Variants in SNX4 observed in about 807,000 individuals in gnomAD.
SNX4 encodes the protein sorting nexin-4.
In SNX4, 49 loss-of-function variants were observed where a neutral mutation model predicts 70.8. That is an observed-to-expected ratio of 0.69 (90% confidence interval 0.55 to 0.88). The LOEUF is 0.88. SNX4 is among the 40% of genes least tolerant of loss of function. The probability of loss-of-function intolerance (pLI) is 0.00; values close to 1 mark genes in which losing one functional copy is unlikely to be tolerated. For synonymous variants in SNX4, 206 were observed against 183.8 expected (o/e 1.12, Z -0.98); for missense variants, 528 against 544.8 (o/e 0.97, Z 0.31).
At chr3:125,488,849 A>T (rs1934591936) in intron 6 of SNX4, among the ~76,000 whole-genome samples, 2 of 152,258 alleles carry the variant, frequency 1.3e-5, no homozygotes, top group Admixed American at 6.5e-5. Flanking sequence ...AGTTTGAATT[A>T]TCCACCAAAT....
chr3:125,495,273 T>TAC lies in SNX4; in HGVS notation c.597+2067_597+2068insGT, dbSNP rs1204182241. Among the ~76,000 whole-genome samples, 78 of 72,290 alleles carry TAC rather than the reference T, an allele frequency of 1.1e-3. 3 individuals carry two copies. The highest frequency in any genetic ancestry group is 2.9e-3 in the African/African-American group (69 of 23,544). The allele number at this position is 72,290 out of a possible 152,430, so 47.4% of individuals were successfully genotyped here. A position where few individuals can be genotyped will look rare whatever the true frequency, so the allele number is the denominator to read the frequency against. ...CTTTATATATATATATATATATATA[T>TAC]ATATACACATACACACACACACACG... On this transcript the variant is annotated intron_variant, in intron 5 of 13. Transcript: ENST00000251775.
At chr3:125,458,008 A>G (rs1933766931) in intron 10 of SNX4, among the ~76,000 whole-genome samples, 1 of 152,170 alleles carries the variant, frequency 6.6e-6, no homozygotes, top group South Asian at 2.1e-4. Context: ...TACATAATGT[A>G]TACATATGTA....
intron 1 of SNX4, among the ~76,000 whole-genome samples, chr3:125,515,324 T>A (rs1157905574): frequency 6.7e-6 from 1 of 150,302 alleles, no homozygotes; most frequent in East Asian, 2.0e-4. Flanking sequence ...AGCACTCCAA[T>A]CTGGGCGACA....
At chr3:125,449,779 G>A (rs1933527570) in intron 13 of SNX4, among the ~76,000 whole-genome samples, 1 of 152,148 alleles carries the variant, frequency 6.6e-6, no homozygotes, top group South Asian at 2.1e-4. Context: ...CAAAACGGAG[G>A]GGGAAAGTCC....
At chr3:125,466,141 T>C (rs200014982) in intron 9 of SNX4, among the ~76,000 whole-genome samples, 83 of 149,240 alleles carry the variant, frequency 5.6e-4, no homozygotes, top group Non-Finnish European at 8.4e-4. Context: ...TTATCATAAA[T>C]AGCATTATTT....
At chr3:125,487,653 T>C (rs910822464) in intron 6 of SNX4, among the ~76,000 whole-genome samples, 3 of 151,764 alleles carry the variant, frequency 2.0e-5, no homozygotes, top group African/African-American at 7.3e-5. Flanking sequence ...TTATATACCA[T>C]GCATGTTAGT....
intron 1 of SNX4, among the ~76,000 whole-genome samples, chr3:125,518,465 GA>G (rs11328044): frequency 0.038 from 5,771 of 150,448 alleles, 213 homozygotes; most frequent in East Asian, 0.11. Flanking sequence ...CTGTCTCAAA[GA>G]AAAAAAAAGC....
At chr3:125,481,689 T>C (rs1934416743) in intron 6 of SNX4, among the ~76,000 whole-genome samples, 1 of 152,140 alleles carries the variant, frequency 6.6e-6, no homozygotes, top group Non-Finnish European at 1.5e-5. Flanking sequence ...ATCGCCTGCC[T>C]TGGCCTCCCA....
chr3:125,504,864 A>G (rs1935013179), intron 1 of SNX4, 120 bp from the exon 2 acceptor site: 1 of 1,152,652 alleles, frequency 8.7e-7, no homozygotes. Flanking sequence ...ATAGTTACTT[A>G]TAGTTCTTGA....
intron 2 of SNX4, among the ~76,000 whole-genome samples, chr3:125,499,672 C>T (rs191999825): frequency 6.6e-6 from 1 of 151,728 alleles, no homozygotes; most frequent in Non-Finnish European, 1.5e-5. Context: ...AAAATCACTA[C>T]CAACAAAACC....
intron 1 of SNX4, among the ~76,000 whole-genome samples, chr3:125,510,849 C>T (rs914643583): frequency 3.9e-5 from 6 of 152,158 alleles, no homozygotes; most frequent in East Asian, 1.9e-4. Flanking sequence ...GTACAATGTA[C>T]GTGAATGTAC....
intron 2 of SNX4, among the ~76,000 whole-genome samples, chr3:125,501,606 C>T (rs1053165371): frequency 1.3e-5 from 2 of 148,194 alleles, no homozygotes; most frequent in Admixed American, 6.8e-5. Flanking sequence ...GGTGACAGAG[C>T]GAGACTCCAC....
chr3:125,455,326 T>G (rs2107841183), intron 11 of SNX4, among the ~76,000 whole-genome samples: 1 of 152,280 alleles, frequency 6.6e-6, no homozygotes, highest in African/African-American at 2.4e-5. Context: ...TTACTTTATG[T>G]TATAAAAAAA....
chr3:125,456,335 G>C (rs1933713885), intron 11 of SNX4, among the ~76,000 whole-genome samples: 1 of 152,146 alleles, frequency 6.6e-6, no homozygotes, highest in African/African-American at 2.4e-5. Flanking sequence ...ACCTGATAAA[G>C]GTCACTGCAT....
chr3:125,493,340 A>C (rs59373776), intron 5 of SNX4, among the ~76,000 whole-genome samples: 7,330 of 152,208 alleles, frequency 0.048, 417 homozygotes, highest in African/African-American at 0.13. Flanking sequence ...GCTTATGTTA[A>C]ATAGAACACA....
chr3:125,506,837 A>G (rs1236963537), intron 1 of SNX4, among the ~76,000 whole-genome samples: 1 of 137,440 alleles, frequency 7.3e-6, no homozygotes, highest in African/African-American at 3.1e-5. Context: ...AAAAAAAAAA[A>G]AAAAAAAAAA....
intron 7 of SNX4, among the ~76,000 whole-genome samples, chr3:125,478,054 C>G (rs534189491): frequency 2.7e-5 from 4 of 150,256 alleles, no homozygotes; most frequent in Admixed American, 2.0e-4. Context: ...CCTCCTTCTT[C>G]TTCTTCTTAT....
At chr3:125,489,947 G>A (rs1376507892) in intron 5 of SNX4, among the ~76,000 whole-genome samples, 1 of 152,048 alleles carries the variant, frequency 6.6e-6, no homozygotes, top group Non-Finnish European at 1.5e-5. Context: ...CCAACATGAT[G>A]AAACCCCCAT....
At chr3:125,464,640 G>A (rs1475857091) in intron 9 of SNX4, among the ~76,000 whole-genome samples, 1 of 127,394 alleles carries the variant, frequency 7.8e-6, no homozygotes, top group Non-Finnish European at 1.6e-5. Context: ...ACAGGATCAT[G>A]ACTCAACTGC....
Sources: allele counts gnomAD v4.1 joint callset (sites outside exome capture counted in the v4.1 genomes callset), GRCh38; gene constraint gnomAD v4.1.1; transcripts MANE v1.5; gene names NCBI Gene and HGNC (gene_info 2026-07-23, HGNC 2026-07-21).